Variants in RYR2 observed in about 807,000 individuals in gnomAD.
RYR2 encodes ryanodine receptor 2, also known as cardiac muscle ryanodine receptor-calcium release channel.
Under a neutral mutation model 601.1 loss-of-function variants are expected in RYR2, and 227 were observed. The ratio of observed to expected loss-of-function variants is 0.38; its 90% CI spans 0.34 to 0.42. The LOEUF (loss-of-function observed/expected upper bound fraction) is 0.42, where lower values mean the gene tolerates loss of function less well. RYR2 is among the 10% of genes least tolerant of loss of function. The pLI, the probability that RYR2 is intolerant of heterozygous loss-of-function variation, is 1.00. For missense variants in RYR2, 4,646 were observed against 6,156.5 expected, an observed-to-expected ratio of 0.75 and a Z score of 8.21; for synonymous variants, 2,223 against 2,175.1, an observed-to-expected ratio of 1.02 and a Z score of -0.61.
At chr1:237,284,497 T>C (rs12097257) in intron 2 of RYR2, among the ~76,000 whole-genome samples, 4 of 46,668 alleles carry the variant, frequency 8.6e-5, no homozygotes, top group Non-Finnish European at 1.3e-4. Flanking sequence ...ATATATAAAA[T>C]ATATATAAAA....
At chr1:237,768,378 G>A (rs2250036) in intron 84 of RYR2, among the ~76,000 whole-genome samples, 46,499 of 151,958 alleles carry the variant, frequency 0.31, 7,958 homozygotes, top group African/African-American at 0.48. Flanking sequence ...GACAGGGTAC[G>A]TGTTATCTTT....
In RYR2 at chr1:237,219,682, C is replaced by T. The variant is rs545077232; in HGVS notation, c.49-50815C>T. 6.6e-5 allele frequency among the ~76,000 whole-genome samples: 10 copies of T among 152,220 alleles called. No individual in the cohort carries two copies. The South Asian group carries it at 1.5e-3, about 22-fold the overall frequency. Reference sequence around the variant, plus strand: ...AAGAAGGAGGGAAAGGATATAATCTCGAAGACTTAATTTCCTCCTGGATAA... The same window carrying T: ...AAGAAGGAGGGAAAGGATATAATCTTGAAGACTTAATTTCCTCCTGGATAA... On this transcript the variant is annotated intron_variant, in intron 1 of 104. Coordinates refer to ENST00000366574, the MANE Select transcript of RYR2 (RefSeq NM_001035.3).
intron 1 of RYR2, among the ~76,000 whole-genome samples, chr1:237,163,993 T>C (rs1676338280): frequency 6.6e-6 from 1 of 152,130 alleles, no homozygotes; most frequent in Non-Finnish European, 1.5e-5. Flanking sequence ...AAAGCTCATA[T>C]GTAACTGAAG....
chr1:237,091,515 C>T (rs1666956514), intron 1 of RYR2, among the ~76,000 whole-genome samples: 1 of 152,048 alleles, frequency 6.6e-6, no homozygotes, highest in Non-Finnish European at 1.5e-5. Flanking sequence ...ACCTCCGCCT[C>T]CTGGGTTCAA....
chr1:237,587,296 C>G (rs1167912725), intron 29 of RYR2, among the ~76,000 whole-genome samples: 1 of 152,020 alleles, frequency 6.6e-6, no homozygotes, highest in Non-Finnish European at 1.5e-5. Flanking sequence ...GTTGTTTGGG[C>G]CATTTTATGT....
intron 76 of RYR2, 133 bp from the exon 77 acceptor site, chr1:237,730,127 A>G: frequency 1.7e-6 from 1 of 588,032 alleles, no homozygotes; most frequent in East Asian, 2.9e-5. Context: ...TTTCAGGAGG[A>G]GAGTCAAGAA....
intron 35 of RYR2, among the ~76,000 whole-genome samples, chr1:237,609,869 A>C (rs1573097225): frequency 6.6e-6 from 1 of 152,156 alleles, no homozygotes; most frequent in East Asian, 1.9e-4. Context: ...AATGGAAGCT[A>C]TATGAGGGCA....
chr1:237,441,240 G>A (rs1572343897), intron 12 of RYR2, 79 bp from the exon 13 acceptor site: 3 of 1,503,402 alleles, frequency 2.0e-6, no homozygotes, highest in Non-Finnish European at 2.7e-6. Flanking sequence ...GAACATATTT[G>A]CAATAAGGCA....
At chr1:237,153,236 G>A (rs973152782) in intron 1 of RYR2, among the ~76,000 whole-genome samples, 61 of 152,202 alleles carry the variant, frequency 4.0e-4, no homozygotes, top group African/African-American at 1.4e-3. Context: ...TTTGAGATTT[G>A]GGGGGAGGGG....
chr1:237,279,089 A>G (rs1002237286), intron 2 of RYR2, among the ~76,000 whole-genome samples: 2 of 152,226 alleles, frequency 1.3e-5, no homozygotes, highest in Non-Finnish European at 2.9e-5. Flanking sequence ...AATAACTTTA[A>G]TCCACTGAAA....
chr1:237,053,891 G>A (rs1661603859), intron 1 of RYR2, among the ~76,000 whole-genome samples: 1 of 152,142 alleles, frequency 6.6e-6, no homozygotes, highest in Admixed American at 6.5e-5. Context: ...AGACTGAAAA[G>A]GATCTTCAGG....
At chr1:237,209,516 T>TGTGTGTGTGTGTGTGTGTG in intron 1 of RYR2, among the ~76,000 whole-genome samples, 1 of 148,100 alleles carries the variant, frequency 6.8e-6, no homozygotes, top group Admixed American at 6.7e-5. Flanking sequence ...TGTGTGTGTA[T>TGTGTGTGTGTGTGTGTGTG]TTTTTTTTTT....
At chr1:237,234,360 A>G (rs1685323504) in intron 1 of RYR2, among the ~76,000 whole-genome samples, 1 of 152,118 alleles carries the variant, frequency 6.6e-6, no homozygotes, top group Admixed American at 6.5e-5. Context: ...GGCTGTGTCT[A>G]GACTGAATTC....
At chr1:237,063,599 TACA>T (rs1558167925) in intron 1 of RYR2, among the ~76,000 whole-genome samples, 12 of 147,106 alleles carry the variant, frequency 8.2e-5, no homozygotes, top group African/African-American at 3.3e-4. Context: ...CACACACACA[TACA>T]CACTCTCTCT....
intron 10 of RYR2, among the ~76,000 whole-genome samples, chr1:237,401,160 T>C (rs935415083): frequency 6.6e-6 from 1 of 152,022 alleles, no homozygotes; most frequent in Admixed American, 6.6e-5. Context: ...AGGGAGAAAA[T>C]TACATATAAA....
chr1:237,744,800 A>ATT (rs111625810), intron 80 of RYR2, among the ~76,000 whole-genome samples: 131 of 136,330 alleles, frequency 9.6e-4, no homozygotes, highest in South Asian at 6.7e-3. Flanking sequence ...TTCCTTTGTA[A>ATT]TTTTTTTTTT....
chr1:237,794,063 A>C, intron 95 of RYR2, 66 bp downstream of exon 95: 1 of 1,400,626 alleles, frequency 7.1e-7, no homozygotes, highest in Non-Finnish European at 1.0e-6. Flanking sequence ...ATTTGGTTGG[A>C]GTTCCTGCAG....
chr1:237,423,274 C>A, intron 12 of RYR2, 26 bp downstream of exon 12: 2 of 1,603,450 alleles, frequency 1.2e-6, no homozygotes, highest in Non-Finnish European at 1.7e-6. Flanking sequence ...TTTTGGGTTT[C>A]CTATAAATGT....
At chr1:237,759,196 C>G (rs567879787) in intron 82 of RYR2, among the ~76,000 whole-genome samples, 1 of 152,286 alleles carries the variant, frequency 6.6e-6, no homozygotes, top group East Asian at 1.9e-4. Context: ...AAGCAATTCT[C>G]CTGCCTCAGC....
Sources: gnomAD v4.1 joint callset for allele counts (sites outside exome capture counted in the v4.1 genomes callset) on GRCh38, gnomAD v4.1.1 for gene constraint, MANE v1.5 for transcripts, NCBI Gene and HGNC (gene_info 2026-07-23, HGNC 2026-07-21) for gene names.